Variants in NTNG2 observed in about 807,000 individuals in gnomAD.
NTNG2 encodes netrin G2.
A neutral mutation model predicts 47.6 loss-of-function variants in NTNG2; 15 were observed. The observed-to-expected ratio is 0.32, with a 90% CI of 0.21 to 0.49. The LOEUF is 0.49. Among genes scored for constraint, NTNG2 ranks in the 20% least tolerant of loss-of-function variants. The probability of loss-of-function intolerance (pLI) is 0.99; values close to 1 mark genes in which losing one functional copy is unlikely to be tolerated. For synonymous variants in NTNG2, 307 were observed against 324.6 expected, an observed-to-expected ratio of 0.95 and a Z score of 0.58; for missense variants, 578 against 764.6, an observed-to-expected ratio of 0.76 and a Z score of 2.88.
At position 132,163,577 on chromosome 9, in the gene NTNG2, C is replaced by G. The variant is rs923612134; in HGVS notation, c.-484+1338C>G. Among the ~76,000 whole-genome samples, 2 of 152,172 alleles carry G rather than the reference C, an allele frequency of 1.3e-5. No individual in the cohort carries two copies. Among genetic ancestry groups the G allele is most frequent in the East Asian group, 1.9e-4 (1 of 5,174 alleles). ...CTCCCCTGAAAGCAGATTTCACCCCCCTCTGCCGCCCCTGCCGAGGAGGGA... is the reference window on the plus strand; with the variant it reads ...CTCCCCTGAAAGCAGATTTCACCCCGCTCTGCCGCCCCTGCCGAGGAGGGA... On this transcript the variant is annotated intron_variant, in intron 1 of 7. Coordinates refer to ENST00000393229, the MANE Select transcript of NTNG2 (RefSeq NM_032536.4). The surrounding 1 kb of genome is among the most constrained non-coding windows in gnomAD (Gnocchi z 7.2).
chr9:132,203,338 T>G (rs566684330), intron 3 of NTNG2, among the ~76,000 whole-genome samples: 1 of 152,004 alleles, frequency 6.6e-6, no homozygotes, highest in East Asian at 1.9e-4. Context: ...AGATCCTGTC[T>G]CTAAAAAAAT....
intron 2 of NTNG2, among the ~76,000 whole-genome samples, chr9:132,189,608 G>A (rs77636141): frequency 0.011 from 1,649 of 151,890 alleles, 43 homozygotes; most frequent in African/African-American, 0.038. Context: ...GTAACCTTCC[G>A]CTTCTGTGGT....
intron 5 of NTNG2, among the ~76,000 whole-genome samples, chr9:132,237,438 G>GCTGCCC (rs966992122): frequency 2.6e-4 from 39 of 152,102 alleles, no homozygotes; most frequent in Non-Finnish European, 4.9e-4. Flanking sequence ...CACCCCTGCC[G>GCTGCCC]CTGCCCCTGC....
At chr9:132,224,573 C>T (rs1279355117) in intron 3 of NTNG2, among the ~76,000 whole-genome samples, 2 of 152,144 alleles carry the variant, frequency 1.3e-5, no homozygotes, top group Non-Finnish European at 2.9e-5. Flanking sequence ...ACTCACTGTT[C>T]CCAGCTCAGA....
intron 7 of NTNG2, among the ~76,000 whole-genome samples, chr9:132,241,282 T>G (rs1841969495): frequency 8.9e-6 from 1 of 112,982 alleles, no homozygotes; most frequent in Non-Finnish European, 1.9e-5. Context: ...GGGGCAGGGT[T>G]GGGATAGTTG....
In NTNG2 at chr9:132,185,846, AGGAGGAGGAGTG is replaced by A. The variant is rs1269168615; in HGVS notation, c.214-12109_214-12098del. Among the ~76,000 whole-genome samples, 39 of 138,630 alleles carry A rather than the reference AGGAGGAGGAGTG, an allele frequency of 2.8e-4. 1 individual carries two copies. In the East Asian group the frequency reaches 7.6e-3, roughly 27 times the overall value. The allele number at this position is 138,630 out of a possible 152,430, so 90.9% of individuals were successfully genotyped here. A position where few individuals can be genotyped will look rare whatever the true frequency, so the allele number is the denominator to read the frequency against. On this transcript the variant is annotated intron_variant, in intron 2 of 7. Transcript: ENST00000393229. ...AGGGAGGAGGAGGAGGAGTGGGAGGAGGAGGAGGAGTGGGAGGAGGAGGAGGAGTGGGAGGAG... is the reference window on the plus strand; with the variant it reads ...AGGGAGGAGGAGGAGGAGTGGGAGGAGGAGGAGGAGGAGGAGTGGGAGGAG...
rs1224153928 is a variant in NTNG2, at chr9:132,236,835, G to A, written c.1055-2269G>A. Among the ~76,000 whole-genome samples, 3 of 152,230 alleles carry A rather than the reference G, an allele frequency of 2.0e-5. No homozygotes were observed. The highest frequency in any genetic ancestry group is 6.5e-5 in the Admixed American group (1 of 15,290). The stretch of plus-strand genomic sequence containing the variant: ...TTCTGGGCAGTGGAAGGCAGGTGCC[G>A]TCCGTGTTCCTGGCTTGACAGCACT... On this transcript the variant is annotated intron_variant, in intron 5 of 7. Transcript: ENST00000393229. The surrounding 1 kb of genome is among the most constrained non-coding windows in gnomAD (Gnocchi z 4.3).
chr9:132,173,014 C>CCATTG (rs1300042882), intron 2 of NTNG2, among the ~76,000 whole-genome samples: 8 of 152,144 alleles, frequency 5.3e-5, no homozygotes, highest in Non-Finnish European at 1.2e-4. Context: ...CAGGAGTGAG[C>CCATTG]CACTGCACTT....
At chr9:132,174,962 C>A (rs568192596) in intron 2 of NTNG2, among the ~76,000 whole-genome samples, 1 of 151,616 alleles carries the variant, frequency 6.6e-6, no homozygotes, top group African/African-American at 2.4e-5. Context: ...CTTTTTAATT[C>A]TAGAATTTAG....
chr9:132,234,657 G>A (rs547387047), intron 5 of NTNG2, among the ~76,000 whole-genome samples: 7 of 152,364 alleles, frequency 4.6e-5, no homozygotes, highest in South Asian at 4.1e-4. Context: ...GGCGGAAAAC[G>A]CCGCTGGAGA....
chr9:132,174,313 C>CGGAT (rs1175364399), intron 2 of NTNG2, among the ~76,000 whole-genome samples: 1 of 105,552 alleles, frequency 9.5e-6, no homozygotes, highest in South Asian at 3.3e-4. Flanking sequence ...GCGGATGAGA[C>CGGAT]GGACGGACGG....
intron 3 of NTNG2, among the ~76,000 whole-genome samples, chr9:132,219,084 G>T (rs1444386718): frequency 6.6e-6 from 1 of 151,466 alleles, no homozygotes; most frequent in Non-Finnish European, 1.5e-5. Context: ...GGGTGTGGTG[G>T]CACACGCCTG....
intron 3 of NTNG2, among the ~76,000 whole-genome samples, chr9:132,222,542 G>A (rs1051866162): frequency 9.9e-5 from 15 of 152,202 alleles, no homozygotes; most frequent in African/African-American, 3.6e-4. Flanking sequence ...AGACTTCAGC[G>A]GTGGCTAGTG....
At chr9:132,229,055 G>A (rs920763709) in intron 4 of NTNG2, among the ~76,000 whole-genome samples, 2 of 152,194 alleles carry the variant, frequency 1.3e-5, no homozygotes, top group South Asian at 4.1e-4. Context: ...TCCTTACTTA[G>A]GGGAGACTCC....
rs1837020349 is a variant in NTNG2, at chr9:132,182,468, G to A, written c.213+15424G>A. ...GGCACTGGAAGGAGGAGGCCCAAGT[G>A]GGTGGGGGGCTGGGTGGCCTTCCTT... On this transcript the variant is annotated intron_variant, in intron 2 of 7. Transcript: ENST00000393229. This position sits in a 1 kb window ranked among gnomAD's most constrained non-coding sequence, Gnocchi z 4.2. 6.6e-6 allele frequency among the ~76,000 whole-genome samples: 1 copy of A among 152,128 alleles called. No homozygotes were observed. Among genetic ancestry groups the A allele is most frequent in the Non-Finnish European group, 1.5e-5 (1 of 68,012 alleles).
intron 5 of NTNG2, chr9:132,233,571 A>G (rs1841403970): frequency 6.6e-6 from 1 of 152,180 alleles, no homozygotes; most frequent in Non-Finnish European, 1.5e-5. Flanking sequence ...ATCAAGAAGC[A>G]GGACATTAGG....
intron 6 of NTNG2, 160 bp from the exon 7 acceptor site, chr9:132,240,750 T>G: frequency 9.3e-7 from 1 of 1,069,966 alleles, no homozygotes; most frequent in South Asian, 1.5e-5. Context: ...CCCTGGGAAG[T>G]CCCCACCTGC....
intron 3 of NTNG2, among the ~76,000 whole-genome samples, chr9:132,220,741 C>A (rs565137984): frequency 6.6e-6 from 1 of 152,166 alleles, no homozygotes; most frequent in Admixed American, 6.5e-5. Context: ...AGCCACCGCA[C>A]CTGGCTCCCT....
intron 3 of NTNG2, among the ~76,000 whole-genome samples, chr9:132,199,873 C>G (rs746681759): frequency 5.9e-5 from 9 of 152,204 alleles, no homozygotes; most frequent in Non-Finnish European, 1.0e-4. Flanking sequence ...TTTGAGGAAA[C>G]TTTGAGGAAG....
Sources: gnomAD v4.1 joint callset for allele counts (sites outside exome capture counted in the v4.1 genomes callset) on GRCh38, gnomAD v4.1.1 for gene constraint, Gnocchi (gnomAD v3.1) non-coding constraint, MANE v1.5 for transcripts, NCBI Gene and HGNC (gene_info 2026-07-23, HGNC 2026-07-21) for gene names.